The following PNKD variants were observed in gnomAD, a reference collection of about 807,000 sequenced individuals.
PNKD encodes the protein PNKD metallo-beta-lactamase domain containing, also known as probable thioesterase PNKD.
A neutral mutation model predicts 45.3 loss-of-function variants in PNKD; 36 were observed. The observed-to-expected ratio is 0.80, with a 90% CI of 0.61 to 1.05. The LOEUF (loss-of-function observed/expected upper bound fraction) is 1.05. Ranked by LOEUF, PNKD falls within the 50% of genes least tolerant of loss-of-function variation. The probability of loss-of-function intolerance (pLI) is 0.00; values close to 1 mark genes in which losing one functional copy is unlikely to be tolerated. For synonymous variants in PNKD, 197 were observed against 210.1 expected (o/e 0.94, Z 0.54); for missense variants, 511 against 506.6 (o/e 1.01, Z -0.08).
At chr2:218,296,764 C>T (rs528424217) in intron 2 of PNKD, among the ~76,000 whole-genome samples, 10 of 152,202 alleles carry the variant, frequency 6.6e-5, no homozygotes, top group African/African-American at 9.6e-5. Context: ...CTGCAACCTC[C>T]GCCTCCTGGG....
chr2:218,343,733 A>G (rs1694749500), intron 8 of PNKD, 147 bp downstream of exon 8: 2 of 679,228 alleles, frequency 2.9e-6, no homozygotes, highest in Non-Finnish European at 5.4e-6. Context: ...GGGTAGGGAC[A>G]GAGTTCTGGC....
chr2:218,305,715 G>A (rs1302544399), intron 2 of PNKD, among the ~76,000 whole-genome samples: 1 of 151,958 alleles, frequency 6.6e-6, no homozygotes, highest in African/African-American at 2.4e-5. Context: ...GCCCCCTTCC[G>A]CCCCCACCAT....
intron 2 of PNKD, among the ~76,000 whole-genome samples, chr2:218,306,129 C>G (rs371339831): frequency 7.1e-4 from 108 of 152,202 alleles, no homozygotes; most frequent in African/African-American, 2.4e-3. Context: ...GGCTGGCAGA[C>G]GGGACACATG....
intron 2 of PNKD, among the ~76,000 whole-genome samples, chr2:218,273,538 T>A (rs1690949333): frequency 6.8e-6 from 1 of 146,452 alleles, no homozygotes; most frequent in Admixed American, 7.0e-5. Flanking sequence ...TGGAGTACAA[T>A]GGCATGATCT....
chr2:218,304,632 C>T (rs1455917037), intron 2 of PNKD, among the ~76,000 whole-genome samples: 1 of 152,282 alleles, frequency 6.6e-6, no homozygotes, highest in African/African-American at 2.4e-5. Context: ...CAGACACTGA[C>T]ACATGTTTTC....
intron 2 of PNKD, among the ~76,000 whole-genome samples, chr2:218,289,578 G>A (rs1206022452): frequency 7.0e-6 from 1 of 142,822 alleles, no homozygotes; most frequent in Non-Finnish European, 1.5e-5. Flanking sequence ...GGAGATGTAG[G>A]TTGCAGTGAG....
chr2:218,283,646 G>A (rs6729058), intron 2 of PNKD, among the ~76,000 whole-genome samples: 53,532 of 152,098 alleles, frequency 0.35, 9,866 homozygotes, highest in Middle Eastern at 0.5. Context: ...AGAGACCAGC[G>A]TCTCTTTTTA....
chr2:218,271,216 T>C, intron 1 of PNKD, 165 bp from the exon 2 acceptor site: 2 of 716,946 alleles, frequency 2.8e-6, no homozygotes, highest in South Asian at 3.1e-5. Context: ...TCGGTGGCGA[T>C]TTTCCCATTT....
At chr2:218,328,874 G>A (rs1204833366) in intron 2 of PNKD, among the ~76,000 whole-genome samples, 1 of 149,916 alleles carries the variant, frequency 6.7e-6, no homozygotes, top group East Asian at 2.0e-4. Context: ...ACTGGAGTTA[G>A]GTGTTCACGG....
At chr2:218,279,278 T>G in intron 2 of PNKD, 1 of 1,571,884 alleles carries the variant, frequency 6.4e-7, no homozygotes, top group Non-Finnish European at 8.6e-7. Flanking sequence ...TGGCAAAGCC[T>G]AGAGACTTAC....
chr2:218,317,425 C>T (rs1693845430), intron 2 of PNKD, among the ~76,000 whole-genome samples: 1 of 152,162 alleles, frequency 6.6e-6, no homozygotes, highest in African/African-American at 2.4e-5. Context: ...GGCAGGAAGA[C>T]TAAAAACAGG....
intron 2 of PNKD, among the ~76,000 whole-genome samples, chr2:218,294,565 C>T (rs1464941343): frequency 6.6e-6 from 1 of 152,222 alleles, no homozygotes; most frequent in Non-Finnish European, 1.5e-5. Flanking sequence ...GCAGCCTTGA[C>T]CTCCCATGTA....
intron 2 of PNKD, chr2:218,275,910 A>T (rs1273923961): frequency 8.1e-7 from 1 of 1,230,314 alleles, no homozygotes; most frequent in East Asian, 2.5e-5. Context: ...AGTGAGAGGA[A>T]TGGCCTGCTA....
In PNKD at chr2:218,341,747, C is replaced by T. The variant is rs1694683688; in HGVS notation, c.617+121C>T. ...ATCTTTGCCAGTGCCCTTCCTGGCCCAATCCCAGCCTATCTGAAGACTGGC... is the reference window on the plus strand; with the variant it reads ...ATCTTTGCCAGTGCCCTTCCTGGCCTAATCCCAGCCTATCTGAAGACTGGC... On this transcript the variant is annotated intron_variant, in intron 6 of 9. Transcript: ENST00000273077. 3 of 818,762 alleles carry T rather than the reference C, an allele frequency of 3.7e-6. No individual in the cohort carries two copies. The Admixed American group carries it at 6.0e-5, about 16-fold the overall frequency. The allele number at this position is 818,762 out of a possible 1,614,324, so 50.7% of individuals were successfully genotyped here. A position where few individuals can be genotyped will look rare whatever the true frequency, so the allele number is the denominator to read the frequency against.
intron 2 of PNKD, chr2:218,278,482 C>A (rs1267764604): frequency 6.2e-7 from 1 of 1,608,670 alleles, no homozygotes. Context: ...ATCCCTGTCA[C>A]CCCTCTCACT....
At chr2:218,342,482 C>T (rs1221242684) in intron 7 of PNKD, among the ~76,000 whole-genome samples, 2 of 151,856 alleles carry the variant, frequency 1.3e-5, no homozygotes, top group Non-Finnish European at 2.9e-5. Context: ...GGAGGATCAC[C>T]TGAGGTCAGG....
At chr2:218,279,318 A>G (rs1050673903) in intron 2 of PNKD, 5 of 1,588,618 alleles carry the variant, frequency 3.1e-6, no homozygotes, top group African/African-American at 2.7e-5. Context: ...TGATGGCCAC[A>G]GTGATGAGCA....
intron 2 of PNKD, chr2:218,317,915 A>C (rs772989383): frequency 6.6e-6 from 1 of 152,266 alleles, no homozygotes; most frequent in Non-Finnish European, 1.5e-5. Context: ...TTCTCCACCC[A>C]GGTCTGACAA....
At chr2:218,290,869 C>T (rs1692887100) in intron 2 of PNKD, among the ~76,000 whole-genome samples, 1 of 152,194 alleles carries the variant, frequency 6.6e-6, no homozygotes, top group Non-Finnish European at 1.5e-5. Context: ...AGAATAGGTC[C>T]AGAAGGCCCA....
Sources: gnomAD v4.1 joint callset for allele counts (sites outside exome capture counted in the v4.1 genomes callset) on GRCh38, gnomAD v4.1.1 for gene constraint, MANE v1.5 for transcripts, NCBI Gene and HGNC (gene_info 2026-07-23, HGNC 2026-07-21) for gene names.